Variants in NFIB observed in about 807,000 individuals in gnomAD.
NFIB encodes the protein nuclear factor 1 B-type.
In NFIB, 11 loss-of-function variants were observed where a neutral mutation model predicts 61.5. That is an observed-to-expected ratio of 0.18 (90% CI 0.11 to 0.30). The LOEUF is 0.30. Among genes scored for constraint, NFIB ranks in the 10% least tolerant of loss-of-function variants. The pLI, the probability that NFIB is intolerant of heterozygous loss-of-function variation, is 1.00. For missense variants in NFIB, 471 were observed against 608.9 expected (o/e 0.77, Z 2.38); for synonymous variants, 260 against 216.5 (o/e 1.20, Z -1.76).
intron 2 of NFIB, among the ~76,000 whole-genome samples, chr9:14,218,861 T>A (rs1039947335): frequency 2.6e-5 from 4 of 152,164 alleles, no homozygotes; most frequent in African/African-American, 9.7e-5. Flanking sequence ...AACTTCTCCA[T>A]CATCAAAAGA....
At chr9:14,463,184 T>C in the NFIB span, among the ~76,000 whole-genome samples, 1 of 151,440 alleles carries the variant, frequency 6.6e-6, no homozygotes, top group Non-Finnish European at 1.5e-5. Context: ...TATTATTTTA[T>C]TTAATTGAAA....
At chr9:14,270,111 G>A (rs1169126048) in intron 2 of NFIB, among the ~76,000 whole-genome samples, 1 of 152,112 alleles carries the variant, frequency 6.6e-6, no homozygotes, top group Non-Finnish European at 1.5e-5. Flanking sequence ...TCAAGCCACT[G>A]TACTTCCATC....
chr9:14,318,648 A>G (rs1486050473), upstream of NFIB, among the ~76,000 whole-genome samples: 1 of 151,938 alleles, frequency 6.6e-6, no homozygotes. Context: ...GACCCCAGAA[A>G]GCAGGCCTGC....
At chr9:14,230,268 A>T (rs147314359) in intron 2 of NFIB, among the ~76,000 whole-genome samples, 206 of 152,346 alleles carry the variant, frequency 1.4e-3, no homozygotes, top group African/African-American at 4.8e-3. Flanking sequence ...TCCTGGATAG[A>T]CATATGTCAG....
chr9:14,282,840 C>T (rs2058465088), intron 2 of NFIB, among the ~76,000 whole-genome samples: 1 of 152,290 alleles, frequency 6.6e-6, no homozygotes, highest in Admixed American at 6.5e-5. Context: ...CTTGTTCCTC[C>T]TTTTAACCAC....
intron 2 of NFIB, among the ~76,000 whole-genome samples, chr9:14,268,938 G>C (rs1396824640): frequency 6.6e-6 from 1 of 152,174 alleles, no homozygotes; most frequent in Admixed American, 6.5e-5. Context: ...CCTAGGTACA[G>C]TACAACCATT....
chr9:14,385,184 G>C (rs79375840), intron 1 of NFIB, among the ~76,000 whole-genome samples: 1,591 of 152,264 alleles, frequency 0.01, 12 homozygotes, highest in Middle Eastern at 0.02. Context: ...GTGGGGGTTT[G>C]TGTCATTATT....
At chr9:14,422,674 G>C in the NFIB span, among the ~76,000 whole-genome samples, 1 of 152,218 alleles carries the variant, frequency 6.6e-6, no homozygotes, top group African/African-American at 2.4e-5. Context: ...CTCAGCATAG[G>C]TCATGGGTCC....
At chr9:14,106,809 C>T (rs2036621569) in intron 10 of NFIB, among the ~76,000 whole-genome samples, 1 of 152,164 alleles carries the variant, frequency 6.6e-6, no homozygotes, top group South Asian at 2.1e-4. Context: ...CAGCAATTAG[C>T]TTTGGGAACA....
chr9:14,398,519 C>A, intron 1 of NFIB: 1 of 1,530,322 alleles, frequency 6.5e-7, no homozygotes, highest in Non-Finnish European at 8.7e-7. Context: ...GAAATTTAGA[C>A]TCACAGAAAA....
chr9:14,207,806 C>G (rs576273137), intron 2 of NFIB, among the ~76,000 whole-genome samples: 9 of 152,280 alleles, frequency 5.9e-5, no homozygotes, highest in African/African-American at 1.9e-4. Context: ...GGTTTATCTA[C>G]AGAGACAACA....
the NFIB span, among the ~76,000 whole-genome samples, chr9:14,413,883 G>T: frequency 1.3e-5 from 2 of 152,022 alleles, no homozygotes; most frequent in African/African-American, 4.8e-5. Context: ...AGTGAAAAAA[G>T]CCACTAAAAT....
At chr9:14,108,531 CAATTT>C (rs1369205755) in intron 10 of NFIB, among the ~76,000 whole-genome samples, 1 of 151,968 alleles carries the variant, frequency 6.6e-6, no homozygotes, top group Non-Finnish European at 1.5e-5. Context: ...AGTGTTGAAA[CAATTT>C]AAATATACAC....
At chr9:14,409,941 ATAT>A in the NFIB span, among the ~76,000 whole-genome samples, 1 of 152,218 alleles carries the variant, frequency 6.6e-6, no homozygotes, top group African/African-American at 2.4e-5. Flanking sequence ...TGAATGTTCA[ATAT>A]TATGATTTGG....
chr9:14,501,106 A>G, the NFIB span, among the ~76,000 whole-genome samples: 1 of 152,218 alleles, frequency 6.6e-6, no homozygotes, highest in Non-Finnish European at 1.5e-5. Context: ...TTTAAAGCTT[A>G]CAGATTTTTC....
chr9:14,255,333 C>A (rs1380608084), intron 2 of NFIB, among the ~76,000 whole-genome samples: 4 of 152,166 alleles, frequency 2.6e-5, no homozygotes, highest in African/African-American at 9.7e-5. Flanking sequence ...ATTTGTTGAA[C>A]TTGTGTCTCT....
chr9:14,349,123 C>T (rs1243531507), intron 1 of NFIB, among the ~76,000 whole-genome samples: 1 of 152,242 alleles, frequency 6.6e-6, no homozygotes, highest in East Asian at 1.9e-4. Flanking sequence ...AAACAGATCT[C>T]TGTATTTTTA....
the NFIB span, among the ~76,000 whole-genome samples, chr9:14,409,398 C>G: frequency 6.6e-6 from 1 of 152,140 alleles, no homozygotes; most frequent in Admixed American, 6.6e-5. Context: ...GTGTTAGGAG[C>G]AGGGGAGGGT....
chr9:14,373,662 G>C (rs1172273546), intron 1 of NFIB, among the ~76,000 whole-genome samples: 1 of 151,862 alleles, frequency 6.6e-6, no homozygotes, highest in African/African-American at 2.4e-5. Flanking sequence ...GTGTGTGTGT[G>C]TGTGTGTGTG....
Sources: allele counts gnomAD v4.1 joint callset (sites outside exome capture counted in the v4.1 genomes callset), GRCh38; gene constraint gnomAD v4.1.1; transcripts MANE v1.5; gene names NCBI Gene and HGNC (gene_info 2026-07-23, HGNC 2026-07-21).